Variants in XKR4 observed in about 807,000 individuals in gnomAD.
The protein encoded by XKR4 is XK-related protein 4.
A neutral mutation model predicts 53.9 loss-of-function variants in XKR4; 12 were observed. The observed-to-expected ratio is 0.22, with a 90% CI of 0.14 to 0.36. The LOEUF is 0.36. XKR4 is among the 10% of genes least tolerant of loss of function. The pLI is 1.00. For synonymous variants in XKR4, 354 were observed against 362.4 expected (o/e 0.98, Z 0.26); for missense variants, 799 against 859.5 (o/e 0.93, Z 0.88).
At chr8:55,451,431 G>A in intron 2 of XKR4, 3 of 1,195,610 alleles carry the variant, frequency 2.5e-6, no homozygotes, top group Non-Finnish European at 3.6e-6. Flanking sequence ...GGGGCATGGA[G>A]CTGACAACAG....
chr8:55,326,260 G>A (rs769459073), intron 1 of XKR4, among the ~76,000 whole-genome samples: 3 of 152,138 alleles, frequency 2.0e-5, no homozygotes, highest in Non-Finnish European at 4.4e-5. Flanking sequence ...ATCACCATTT[G>A]TTTAATGCCT....
In XKR4 at chr8:55,534,274, A is replaced by T. The variant is rs1806995584; in HGVS notation, c.*10047A>T. 1 of 148,394 alleles carries T rather than the reference A, an allele frequency of 6.7e-6. No homozygotes were observed. Among genetic ancestry groups the T allele is most frequent in the Non-Finnish European group, 1.5e-5 (1 of 67,610 alleles). 9.2% of individuals were successfully genotyped at this position (148,394 alleles called of 1,614,324 possible). On this transcript the variant is annotated 3_prime_UTR_variant, in exon 3 of 3. Coordinates refer to ENST00000327381, the MANE Select transcript of XKR4 (RefSeq NM_052898.2). ...GTGACATTAGCAGTTCCAAACCGAG[A>T]TCCATTTCTATGTGGAATTGGCTAT...
intron 2 of XKR4, among the ~76,000 whole-genome samples, chr8:55,393,311 T>C (rs1195055387): frequency 6.6e-6 from 1 of 151,926 alleles, no homozygotes; most frequent in Non-Finnish European, 1.5e-5. Flanking sequence ...CAGAAAATCG[T>C]AAAATATGGG....
chr8:55,325,454 G>A (rs2129380004), intron 1 of XKR4, among the ~76,000 whole-genome samples: 1 of 152,168 alleles, frequency 6.6e-6, no homozygotes, highest in South Asian at 2.1e-4. Context: ...ATCTTCCACT[G>A]ATTTACTGTA....
At chr8:55,237,790 C>T (rs1404373824) in intron 1 of XKR4, among the ~76,000 whole-genome samples, 2 of 152,154 alleles carry the variant, frequency 1.3e-5, no homozygotes, top group Non-Finnish European at 2.9e-5. Flanking sequence ...GTATAAAAGA[C>T]ATAATCATTT....
chr8:55,131,161 A>AG (rs1816548905), intron 1 of XKR4, among the ~76,000 whole-genome samples: 1 of 147,514 alleles, frequency 6.8e-6, no homozygotes, highest in South Asian at 2.3e-4. Context: ...TGGCTGTCTC[A>AG]AAAACAACAA....
intron 2 of XKR4, among the ~76,000 whole-genome samples, chr8:55,420,835 A>T (rs1804917643): frequency 6.6e-6 from 1 of 150,440 alleles, no homozygotes; most frequent in Non-Finnish European, 1.5e-5. Flanking sequence ...AAAAAGAAAG[A>T]TCCTTTGGCT....
intron 2 of XKR4, among the ~76,000 whole-genome samples, chr8:55,510,404 G>A (rs754571007): frequency 2.6e-5 from 4 of 152,182 alleles, no homozygotes; most frequent in African/African-American, 9.7e-5. Context: ...GTCCTTGAAG[G>A]GTTTTCAGCT....
intron 2 of XKR4, among the ~76,000 whole-genome samples, chr8:55,469,068 G>A (rs183132077): frequency 3.3e-5 from 5 of 151,956 alleles, no homozygotes; most frequent in South Asian, 4.2e-4. Flanking sequence ...TCCTTCCCTC[G>A]CCCCATAGCT....
chr8:55,478,273 C>T (rs1381452198), intron 2 of XKR4, among the ~76,000 whole-genome samples: 1 of 152,064 alleles, frequency 6.6e-6, no homozygotes, highest in East Asian at 1.9e-4. Context: ...GAATTTTCAA[C>T]CCAGAATTTC....
At chr8:55,452,967 C>T in intron 2 of XKR4, 5 of 736,516 alleles carry the variant, frequency 6.8e-6, no homozygotes, top group South Asian at 6.7e-5. Context: ...CTTCTCACCG[C>T]TCAGGGATGG....
chr8:55,296,150 A>C (rs1285998328), intron 1 of XKR4, among the ~76,000 whole-genome samples: 3 of 152,178 alleles, frequency 2.0e-5, no homozygotes, highest in Non-Finnish European at 4.4e-5. Flanking sequence ...TGTGATGTTG[A>C]AGGTGACTGC....
chr8:55,301,063 T>A (rs1819186481), intron 1 of XKR4, among the ~76,000 whole-genome samples: 1 of 152,032 alleles, frequency 6.6e-6, no homozygotes, highest in South Asian at 2.1e-4. Flanking sequence ...GTTACATATG[T>A]ATACATGTAC....
At chr8:55,177,562 A>G (rs1817252227) in intron 1 of XKR4, among the ~76,000 whole-genome samples, 1 of 152,092 alleles carries the variant, frequency 6.6e-6, no homozygotes, top group African/African-American at 2.4e-5. Context: ...TTGTTCCCCA[A>G]CTTGAGTTAG....
At chr8:55,132,308 A>T (rs527526174) in intron 1 of XKR4, among the ~76,000 whole-genome samples, 1 of 152,142 alleles carries the variant, frequency 6.6e-6, no homozygotes, top group Non-Finnish European at 1.5e-5. Context: ...TTTCCAATCC[A>T]TGTGTATAGT....
At chr8:55,147,042 A>C (rs1282082315) in intron 1 of XKR4, among the ~76,000 whole-genome samples, 3 of 152,266 alleles carry the variant, frequency 2.0e-5, no homozygotes, top group Non-Finnish European at 4.4e-5. Flanking sequence ...ACTTTATTAA[A>C]GCCAAAGGCC....
chr8:55,136,217 C>T (rs115821680), intron 1 of XKR4, among the ~76,000 whole-genome samples: 2,668 of 152,218 alleles, frequency 0.018, 68 homozygotes, highest in African/African-American at 0.06. Context: ...GTCTTTACTG[C>T]AAACAATTTA....
chr8:55,453,612 T>C, intron 2 of XKR4: 1 of 414,678 alleles, frequency 2.4e-6, no homozygotes, highest in South Asian at 2.0e-5. Flanking sequence ...GCACCTTGCA[T>C]CTTGGCCTCA....
intron 1 of XKR4, among the ~76,000 whole-genome samples, chr8:55,284,547 G>A (rs1818881549): frequency 6.6e-6 from 1 of 152,166 alleles, no homozygotes; most frequent in African/African-American, 2.4e-5. Context: ...CCCACCACAT[G>A]AGCATCTCCA....
Sources: allele counts gnomAD v4.1 joint callset (sites outside exome capture counted in the v4.1 genomes callset), GRCh38; gene constraint gnomAD v4.1.1; transcripts MANE v1.5; gene names NCBI Gene and HGNC (gene_info 2026-07-23, HGNC 2026-07-21).